The following LYPD6 variants were observed in gnomAD, a reference collection of about 807,000 sequenced individuals.
LYPD6 encodes the protein ly6/PLAUR domain-containing protein 6.
A neutral mutation model predicts 22.7 loss-of-function variants in LYPD6; 15 were observed. The ratio of observed to expected loss-of-function variants is 0.66; its 90% confidence interval spans 0.44 to 1.02. The LOEUF (loss-of-function observed/expected upper bound fraction) is 1.02, where lower values mean the gene tolerates loss of function less well. LYPD6 is among the 50% of genes least tolerant of loss of function. The pLI, the probability that LYPD6 is intolerant of heterozygous loss-of-function variation, is 0.00. For missense variants in LYPD6, 189 were observed against 208.4 expected, an observed-to-expected ratio of 0.91 and a Z score of 0.57; for synonymous variants, 72 against 77.5, an observed-to-expected ratio of 0.93 and a Z score of 0.37.
At position 149,468,738 on chromosome 2, in the gene LYPD6, C is replaced by A. The variant is rs1249755543; in HGVS notation, c.311C>A (p.Ser104Tyr). ...TGTGTCCCACTGGAAGAGTGCTTAT[C>A]CACTGGCTGCAGAGACTCCGAGCAT... is the stretch of plus-strand genomic sequence containing the variant. ...KRCVPLEECL[S>Y]TGCRDSEHEG... Residue 104 changes from serine to tyrosine, a missense_variant, in exon 4 of 5, where the codon TCC becomes TAC. Coordinates refer to ENST00000334166, the MANE Select transcript of LYPD6 (RefSeq NM_194317.5). 6.2e-7 allele frequency: 1 copy of A among 1,613,656 alleles called. No individual in the cohort carries two copies. Among genetic ancestry groups the A allele is most frequent in the East Asian group, 2.2e-5 (1 of 44,858 alleles).
Position 149,457,385 on chromosome 2 carries a change from G to A in LYPD6, c.217+8238G>A, listed in dbSNP as rs753542295. On this transcript the variant is annotated intron_variant, in intron 3 of 4. Transcript: ENST00000334166. ...CCATCCATCTCTGCTGGTAATACAA[G>A]AGTTTATTAGAGATTAAATGCCTGC... 5.3e-5 allele frequency among the ~76,000 whole-genome samples: 8 copies of A among 152,328 alleles called. No homozygotes were observed. In the South Asian group the frequency reaches 1.2e-3, roughly 24 times the overall value.
intron 2 of LYPD6, among the ~76,000 whole-genome samples, chr2:149,445,280 G>A (rs1207892309): frequency 6.6e-6 from 1 of 152,194 alleles, no homozygotes; most frequent in African/African-American, 2.4e-5. Context: ...AGAGCACAGA[G>A]TAGACTTAAC....
chr2:149,455,528 G>A (rs1680938499), intron 3 of LYPD6, among the ~76,000 whole-genome samples: 1 of 152,128 alleles, frequency 6.6e-6, no homozygotes, highest in Admixed American at 6.5e-5. Flanking sequence ...AAAGTGCTGG[G>A]ATTATAGGTG....
At chr2:149,397,435 G>A (rs973421002) in intron 1 of LYPD6, among the ~76,000 whole-genome samples, 1 of 152,162 alleles carries the variant, frequency 6.6e-6, no homozygotes, top group African/African-American at 2.4e-5. Context: ...TCTTCATAAT[G>A]TCTTGGCCCA....
chr2:149,406,788 G>A (rs1369496625), intron 1 of LYPD6, among the ~76,000 whole-genome samples: 17 of 152,198 alleles, frequency 1.1e-4, no homozygotes, highest in African/African-American at 3.4e-4. Flanking sequence ...ATGTTAGCTG[G>A]TTATTTTGCT....
chr2:149,335,392 A>T (rs922003923), intron 1 of LYPD6, among the ~76,000 whole-genome samples: 1 of 152,224 alleles, frequency 6.6e-6, no homozygotes, highest in African/African-American at 2.4e-5. Context: ...TTTAATAGAA[A>T]AAAAGCTTAC....
At chr2:149,333,965 G>A (rs964951435) in intron 1 of LYPD6, among the ~76,000 whole-genome samples, 6 of 152,142 alleles carry the variant, frequency 3.9e-5, no homozygotes, top group East Asian at 1.9e-4. Flanking sequence ...ATATGTTAGG[G>A]AAGAAATGAA....
chr2:149,426,376 G>T (rs138948100), intron 1 of LYPD6, among the ~76,000 whole-genome samples: 2 of 152,174 alleles, frequency 1.3e-5, no homozygotes, highest in Non-Finnish European at 2.9e-5. Flanking sequence ...AGTATGAGTT[G>T]GTTCTTCCCA....
At chr2:149,400,744 T>C (rs778466236) in intron 1 of LYPD6, among the ~76,000 whole-genome samples, 1 of 152,250 alleles carries the variant, frequency 6.6e-6, no homozygotes, top group Non-Finnish European at 1.5e-5. Flanking sequence ...CTTTCAGTTA[T>C]CTAAAACTTG....
the LYPD6 span, among the ~76,000 whole-genome samples, chr2:149,482,079 G>A: frequency 6.6e-6 from 1 of 152,058 alleles, no homozygotes; most frequent in South Asian, 2.1e-4. Context: ...TACTGATCTT[G>A]GATGAGATAA....
At chr2:149,446,353 A>G (rs960129087) in intron 2 of LYPD6, among the ~76,000 whole-genome samples, 26 of 152,328 alleles carry the variant, frequency 1.7e-4, no homozygotes, top group African/African-American at 5.1e-4. Context: ...GACTTGCTCA[A>G]TGCAGGGTTG....
At chr2:149,428,664 A>G (rs532148702) in intron 1 of LYPD6, among the ~76,000 whole-genome samples, 19 of 152,236 alleles carry the variant, frequency 1.2e-4, no homozygotes, top group Non-Finnish European at 2.4e-4. Context: ...AGGCTTAGCC[A>G]TGTAAGAATG....
chr2:149,332,445 T>C (rs1680956870), intron 1 of LYPD6, among the ~76,000 whole-genome samples: 1 of 152,092 alleles, frequency 6.6e-6, no homozygotes, highest in African/African-American at 2.4e-5. Context: ...GCAAATAATA[T>C]CAAGTAAAAA....
chr2:149,479,443 C>T, the LYPD6 span, among the ~76,000 whole-genome samples: 5 of 152,152 alleles, frequency 3.3e-5, no homozygotes, highest in South Asian at 2.1e-4. Context: ...ATTATCTACT[C>T]AACATTTCAT....
At chr2:149,453,792 T>G (rs1275496246) in intron 3 of LYPD6, among the ~76,000 whole-genome samples, 1 of 152,242 alleles carries the variant, frequency 6.6e-6, no homozygotes, top group Non-Finnish European at 1.5e-5. Flanking sequence ...GTGTTTGACT[T>G]AACCTAAGGG....
intron 3 of LYPD6, among the ~76,000 whole-genome samples, chr2:149,465,498 C>G (rs752969608): frequency 2.6e-5 from 4 of 152,052 alleles, no homozygotes; most frequent in South Asian, 4.1e-4. Context: ...AAATTATTCT[C>G]TAGCATCATT....
intron 1 of LYPD6, among the ~76,000 whole-genome samples, chr2:149,386,032 A>G (rs1682177424): frequency 6.6e-6 from 1 of 152,184 alleles, no homozygotes; most frequent in Non-Finnish European, 1.5e-5. Context: ...TAACCGTTAC[A>G]ATTGCCTATG....
chr2:149,451,891 A>T (rs1680830491), intron 3 of LYPD6, among the ~76,000 whole-genome samples: 1 of 152,224 alleles, frequency 6.6e-6, no homozygotes, highest in Non-Finnish European at 1.5e-5. Context: ...AGTTGGGCTG[A>T]TAGGATCTGA....
chr2:149,386,268 A>G (rs1380840449), intron 1 of LYPD6, among the ~76,000 whole-genome samples: 2 of 152,168 alleles, frequency 1.3e-5, no homozygotes, highest in South Asian at 2.1e-4. Flanking sequence ...TTTGGTTTCC[A>G]TTACAGCTGC....
Sources: allele counts gnomAD v4.1 joint callset (sites outside exome capture counted in the v4.1 genomes callset), GRCh38; gene constraint gnomAD v4.1.1; transcripts MANE v1.5; gene names NCBI Gene and HGNC (gene_info 2026-07-23, HGNC 2026-07-21).